GRIA4: variants seen among roughly 807,000 people sequenced by gnomAD.
The protein encoded by GRIA4 is glutamate receptor 4.
In GRIA4, 34 loss-of-function variants were observed where a neutral mutation model predicts 104.0. The ratio of observed to expected loss-of-function variants is 0.33; its 90% CI spans 0.25 to 0.44. The LOEUF is 0.44. GRIA4 is among the 20% of genes least tolerant of loss of function. The probability of loss-of-function intolerance (pLI) is 1.00; values close to 1 mark genes in which losing one functional copy is unlikely to be tolerated. For synonymous variants in GRIA4, 386 were observed against 381.9 expected, an observed-to-expected ratio of 1.01 and a Z score of -0.13; for missense variants, 750 against 1,096.5, an observed-to-expected ratio of 0.68 and a Z score of 4.46.
intron 4 of GRIA4, among the ~76,000 whole-genome samples, chr11:105,801,575 C>T (rs1049060046): frequency 1.3e-4 from 19 of 151,892 alleles, no homozygotes; most frequent in Admixed American, 2.0e-4. Context: ...TTTATTTCAA[C>T]TATGTTATTT....
rs867791816 is a variant in GRIA4 at position 105,648,910 on chromosome 11, G to C, written c.247+36476G>C. ...CTGCCGTTTTACAGACTGTGGACTA[G>C]AGAAGCTAACGGATTTTCTCAGGGT... is the stretch of plus-strand genomic sequence containing the variant. On this transcript the variant is annotated intron_variant, in intron 3 of 16. Coordinates refer to ENST00000282499, the MANE Select transcript of GRIA4 (RefSeq NM_000829.4). 2.0e-5 allele frequency among the ~76,000 whole-genome samples: 3 copies of C among 152,158 alleles called. No homozygotes were observed. In the South Asian group the frequency reaches 6.2e-4, roughly 32 times the overall value.
At chr11:105,705,941 G>A (rs1031001503) in intron 3 of GRIA4, among the ~76,000 whole-genome samples, 19 of 152,074 alleles carry the variant, frequency 1.2e-4, no homozygotes, top group African/African-American at 4.6e-4. Context: ...ACATGCATGA[G>A]GTTATTCATT....
At chr11:105,798,103 C>T (rs888780739) in intron 4 of GRIA4, among the ~76,000 whole-genome samples, 2 of 151,794 alleles carry the variant, frequency 1.3e-5, no homozygotes, top group Non-Finnish European at 2.9e-5. Flanking sequence ...CACACACATA[C>T]ACACACACAC....
chr11:105,713,020 G>A (rs1953966543), intron 3 of GRIA4, among the ~76,000 whole-genome samples: 2 of 151,968 alleles, frequency 1.3e-5, no homozygotes, highest in African/African-American at 4.8e-5. Flanking sequence ...TTTATCTTTA[G>A]AACTCTAAAC....
intron 7 of GRIA4, among the ~76,000 whole-genome samples, chr11:105,899,561 C>T (rs1012984424): frequency 1.3e-5 from 2 of 152,162 alleles, no homozygotes; most frequent in Non-Finnish European, 2.9e-5. Context: ...TGATGGTAGG[C>T]ATTCAGTAGC....
At chr11:105,932,166 T>G (rs545552553) in intron 13 of GRIA4, among the ~76,000 whole-genome samples, 4 of 151,600 alleles carry the variant, frequency 2.6e-5, no homozygotes, top group African/African-American at 9.7e-5. Flanking sequence ...TTAGATGGAG[T>G]CTCACTTTGT....
At chr11:105,931,533 T>C (rs1947874593) in intron 13 of GRIA4, among the ~76,000 whole-genome samples, 4 of 151,790 alleles carry the variant, frequency 2.6e-5, no homozygotes, top group Admixed American at 2.6e-4. Flanking sequence ...TGAAACCCCG[T>C]CTCTACTAAA....
intron 14 of GRIA4, among the ~76,000 whole-genome samples, chr11:105,935,799 T>G (rs147148573): frequency 2.3e-4 from 35 of 152,250 alleles, no homozygotes; most frequent in Admixed American, 7.2e-4. Flanking sequence ...GCAAGAGAGT[T>G]CCCTCTTAAA....
chr11:105,784,679 C>A (rs1941879142), intron 4 of GRIA4, among the ~76,000 whole-genome samples: 1 of 152,110 alleles, frequency 6.6e-6, no homozygotes, highest in Non-Finnish European at 1.5e-5. Context: ...CAATTTTGCA[C>A]AAGTATGCAA....
intron 4 of GRIA4, among the ~76,000 whole-genome samples, chr11:105,793,483 AC>A (rs1942312119): frequency 6.6e-6 from 1 of 152,262 alleles, no homozygotes; most frequent in East Asian, 1.9e-4. Flanking sequence ...ATATAATGTC[AC>A]TTTTTAAAGG....
chr11:105,962,353 C>A (rs1948764627), intron 14 of GRIA4, among the ~76,000 whole-genome samples: 1 of 151,722 alleles, frequency 6.6e-6, no homozygotes, highest in Non-Finnish European at 1.5e-5. Context: ...ATTAATGTGC[C>A]CAAAATTATT....
chr11:105,752,745 T>G (rs1227325960), intron 3 of GRIA4, among the ~76,000 whole-genome samples: 1 of 152,188 alleles, frequency 6.6e-6, no homozygotes, highest in Non-Finnish European at 1.5e-5. Context: ...GGCTTCTTAA[T>G]GCAGAATTTT....
chr11:105,757,445 G>C (rs1940380493), intron 4 of GRIA4, among the ~76,000 whole-genome samples: 1 of 152,032 alleles, frequency 6.6e-6, no homozygotes, highest in South Asian at 2.1e-4. Flanking sequence ...CTAAAACAAG[G>C]GTAGTCAAAG....
chr11:105,771,268 G>C (rs1941196059), intron 4 of GRIA4, among the ~76,000 whole-genome samples: 1 of 151,838 alleles, frequency 6.6e-6, no homozygotes, highest in Non-Finnish European at 1.5e-5. Context: ...ACCTTCCTTT[G>C]TCCAAAAGCT....
chr11:105,854,476 G>T (rs1172772470), intron 4 of GRIA4, among the ~76,000 whole-genome samples: 1 of 152,110 alleles, frequency 6.6e-6, no homozygotes, highest in Admixed American at 6.6e-5. Context: ...AGGAGCAATT[G>T]GAGAGTTTGG....
intron 14 of GRIA4, among the ~76,000 whole-genome samples, chr11:105,956,110 A>C (rs1309414835): frequency 1.3e-5 from 2 of 151,992 alleles, no homozygotes; most frequent in Non-Finnish European, 2.9e-5. Flanking sequence ...TGCTGTGCAG[A>C]AACTCTTTTT....
intron 3 of GRIA4, among the ~76,000 whole-genome samples, chr11:105,658,728 C>G (rs762268999): frequency 6.6e-6 from 1 of 151,832 alleles, no homozygotes; most frequent in African/African-American, 2.4e-5. Context: ...CTGAAAGGAG[C>G]AAAGACCTCC....
intron 4 of GRIA4, among the ~76,000 whole-genome samples, chr11:105,798,652 T>C (rs565869412): frequency 1.3e-3 from 197 of 152,188 alleles, no homozygotes; most frequent in Middle Eastern, 3.4e-3. Flanking sequence ...GATGAGAAGA[T>C]GGTTGAACTG....
Position 105,852,912 on chromosome 11 carries a change from A to G in GRIA4, c.488-9112A>G, listed in dbSNP as rs1478360134. On this transcript the variant is annotated intron_variant, in intron 4 of 16. Coordinates refer to ENST00000282499, the MANE Select transcript of GRIA4 (RefSeq NM_000829.4). Reference sequence around the variant, plus strand: ...TAAAATATCACTTTCAAATCAACCAAAATGAATGGTTTTGGCTTTGTGTAT... The same window carrying G: ...TAAAATATCACTTTCAAATCAACCAGAATGAATGGTTTTGGCTTTGTGTAT... 5.4e-5 allele frequency among the ~76,000 whole-genome samples: 8 copies of G among 148,688 alleles called. 1 individual carries two copies. In the Admixed American group the frequency reaches 5.6e-4, roughly 10 times the overall value.
Sources: allele counts gnomAD v4.1 joint callset (sites outside exome capture counted in the v4.1 genomes callset), GRCh38; gene constraint gnomAD v4.1.1; transcripts MANE v1.5; gene names NCBI Gene and HGNC (gene_info 2026-07-23, HGNC 2026-07-21).